NDUFAF6: variants seen among roughly 807,000 people sequenced by gnomAD.
NDUFAF6 encodes NADH dehydrogenase (ubiquinone) complex I, assembly factor 6.
In NDUFAF6, 45 loss-of-function variants were observed where a neutral mutation model predicts 40.8. The observed-to-expected ratio is 1.10, with a 90% CI of 0.87 to 1.42. The LOEUF is 1.42. Among genes scored for constraint, NDUFAF6 ranks in the 40% most tolerant of loss-of-function variants. The pLI is 0.00. For synonymous variants in NDUFAF6, 185 were observed against 155.9 expected (o/e 1.19, Z -1.39); for missense variants, 435 against 418.5 (o/e 1.04, Z -0.34).
intron 3 of NDUFAF6, among the ~76,000 whole-genome samples, chr8:95,039,294 A>C (rs1829881796): frequency 6.6e-6 from 1 of 151,978 alleles, no homozygotes; most frequent in Admixed American, 6.6e-5. Context: ...CTCTACTAAA[A>C]ATACAAAAAT....
chr8:95,036,638 G>A (rs751947202), intron 3 of NDUFAF6: 7 of 619,820 alleles, frequency 1.1e-5, no homozygotes, highest in Middle Eastern at 1.3e-3. Flanking sequence ...TGGAGGTGGA[G>A]GTTTATGTTA....
At chr8:94,930,946 C>T (rs114691680) in intron 1 of NDUFAF6, among the ~76,000 whole-genome samples, 3,119 of 152,222 alleles carry the variant, frequency 0.02, 37 homozygotes, top group African/African-American at 0.032. Flanking sequence ...GCCATATAAG[C>T]CCCAGATGGC....
Position 95,044,118 on chromosome 8 carries a change from C to G in NDUFAF6, c.478-1427C>G, listed in dbSNP as rs575025348. Among the ~76,000 whole-genome samples the G allele has an allele frequency of 1.2e-4, 19 of 152,086 alleles. No homozygotes were observed. The South Asian group carries it at 3.9e-3, about 32-fold the overall frequency. ...AAACAATATGCTAATTGAAAGAAGC[C>G]AGATACAAAAAGCTACATATTATAC... On this transcript the variant is annotated intron_variant, in intron 4 of 8. Coordinates refer to ENST00000396124, the MANE Select transcript of NDUFAF6 (RefSeq NM_152416.4).
chr8:94,958,135 T>A (rs1471226565), exon 1 of NDUFAF6: 2 of 151,466 alleles, frequency 1.3e-5, no homozygotes, highest in African/African-American at 4.9e-5. Flanking sequence ...CTGACTGGAG[T>A]AGGTTAAAAA....
At chr8:95,035,660 AT>A in intron 3 of NDUFAF6, 84 bp downstream of exon 3, 1 of 1,277,502 alleles carries the variant, frequency 7.8e-7, no homozygotes, top group Non-Finnish European at 1.1e-6. Flanking sequence ...GGTACTGGTG[AT>A]TATAGTGGAA....
At chr8:94,909,936 C>T (rs1237775173) in intron 1 of NDUFAF6, among the ~76,000 whole-genome samples, 1 of 151,904 alleles carries the variant, frequency 6.6e-6, no homozygotes. Flanking sequence ...TTGTGAGAGA[C>T]CAAGTTGCCC....
chr8:94,998,449 T>C (rs991996240), intron 2 of NDUFAF6, among the ~76,000 whole-genome samples: 3 of 151,994 alleles, frequency 2.0e-5, no homozygotes, highest in Non-Finnish European at 4.4e-5. Context: ...TACTGTATTG[T>C]AACTTTTTTT....
chr8:95,088,261 T>G (rs1426207360), intron 2 of NDUFAF6, among the ~76,000 whole-genome samples: 4 of 152,222 alleles, frequency 2.6e-5, no homozygotes, highest in Non-Finnish European at 5.9e-5. Context: ...CCTAGAGTCC[T>G]GGTGTGCTGG....
intron 2 of NDUFAF6, among the ~76,000 whole-genome samples, chr8:94,997,289 GACACACACACACACACACAC>G (rs57953301): frequency 1.7e-4 from 16 of 94,708 alleles, no homozygotes; most frequent in East Asian, 1.0e-3. Context: ...CAAGAAGAAA[GACACACACACACACACACAC>G]ACACACACAC....
At chr8:95,022,588 C>CA (rs77755094), upstream of NDUFAF6, among the ~76,000 whole-genome samples, 18,299 of 111,128 alleles carry the variant, frequency 0.16, 1,219 homozygotes, top group Middle Eastern at 0.31. Context: ...TTTACCCCTC[C>CA]AAAAAAAAAA....
chr8:95,002,843 T>A (rs1431377270), intron 2 of NDUFAF6, among the ~76,000 whole-genome samples: 1 of 152,102 alleles, frequency 6.6e-6, no homozygotes, highest in Non-Finnish European at 1.5e-5. Context: ...GGAGGTGGTG[T>A]CAGGCGTAAG....
chr8:94,971,995 T>C (rs900626309), intron 1 of NDUFAF6, among the ~76,000 whole-genome samples: 1 of 152,206 alleles, frequency 6.6e-6, no homozygotes, highest in African/African-American at 2.4e-5. Context: ...ATGTAGTTGG[T>C]AGCTGGAAAT....
intron 1 of NDUFAF6, chr8:94,928,401 T>C (rs959972891): frequency 6.6e-6 from 1 of 152,352 alleles, no homozygotes; most frequent in Non-Finnish European, 1.5e-5. Flanking sequence ...GACATTAAGC[T>C]GGTCTATTTT....
At chr8:94,969,088 G>A (rs1824253323) in intron 1 of NDUFAF6, among the ~76,000 whole-genome samples, 1 of 152,124 alleles carries the variant, frequency 6.6e-6, no homozygotes, top group South Asian at 2.1e-4. Context: ...CTGGAGTTCC[G>A]ATGAGAGGTG....
upstream of NDUFAF6, among the ~76,000 whole-genome samples, chr8:94,954,134 C>G (rs1822867752): frequency 7.5e-6 from 1 of 134,112 alleles, no homozygotes; most frequent in South Asian, 2.7e-4. Context: ...GTGATCTCCA[C>G]TCATTACAAC....
intron 1 of NDUFAF6, chr8:94,928,081 A>T (rs970000187): frequency 1.3e-5 from 2 of 152,206 alleles, no homozygotes; most frequent in South Asian, 4.1e-4. Flanking sequence ...CAATACTTAC[A>T]TGTGCCAATT....
chr8:94,913,557 G>A (rs1470379355), intron 1 of NDUFAF6, among the ~76,000 whole-genome samples: 4 of 152,204 alleles, frequency 2.6e-5, no homozygotes, highest in South Asian at 2.1e-4. Context: ...AACACTTTGG[G>A]AGGCCAAAGC....
Position 94,970,973 on chromosome 8 carries a change from C to A in NDUFAF6, c.-198-9886C>A, listed in dbSNP as rs1050866257. 2.0e-5 allele frequency among the ~76,000 whole-genome samples: 3 copies of A among 152,316 alleles called. No individual in the cohort carries two copies. In the East Asian group the frequency reaches 5.8e-4, roughly 29 times the overall value. On this transcript the variant is annotated intron_variant, in intron 1 of 9. Coordinates refer to the NDUFAF6 transcript ENST00000396111. ...CTAGGGTTACAGGCATGAGCCAGCACAACTTTGTTAAATTCTGTGCTGGCT... is the reference window on the plus strand; with the variant it reads ...CTAGGGTTACAGGCATGAGCCAGCAAAACTTTGTTAAATTCTGTGCTGGCT...
intron 9 of NDUFAF6, among the ~76,000 whole-genome samples, chr8:95,072,187 C>T (rs1832888542): frequency 2.0e-5 from 3 of 152,154 alleles, no homozygotes; most frequent in Admixed American, 6.5e-5. Context: ...TTCCTGGCCA[C>T]CTAAGACACA....
Sources: allele counts gnomAD v4.1 joint callset (sites outside exome capture counted in the v4.1 genomes callset), GRCh38; gene constraint gnomAD v4.1.1; transcripts MANE v1.5; gene names NCBI Gene and HGNC (gene_info 2026-07-23, HGNC 2026-07-21).